The following NRG1 variants were observed in gnomAD, a reference collection of about 807,000 sequenced individuals.
The protein encoded by NRG1 is neuregulin 1, also known as pro-neuregulin-1, membrane-bound isoform.
A neutral mutation model predicts 63.8 loss-of-function variants in NRG1; 18 were observed. That is an observed-to-expected ratio of 0.28 (90% confidence interval 0.19 to 0.42). The LOEUF (loss-of-function observed/expected upper bound fraction) is 0.42, where lower values mean the gene tolerates loss of function less well. NRG1 is among the 10% of genes least tolerant of loss of function. The probability of loss-of-function intolerance (pLI) is 1.00; values close to 1 mark genes in which losing one functional copy is unlikely to be tolerated. For missense variants in NRG1, 762 were observed against 814.7 expected, an observed-to-expected ratio of 0.94 and a Z score of 0.79; for synonymous variants, 302 against 301.3, an observed-to-expected ratio of 1.00 and a Z score of -0.02.
At chr8:32,432,499 GGTTTTT>G (rs1245056523) in intron 1 of NRG1, among the ~76,000 whole-genome samples, 4 of 151,836 alleles carry the variant, frequency 2.6e-5, no homozygotes, top group East Asian at 1.9e-4. Context: ...TTATCACACC[GGTTTTT>G]GTTTTTGTTT....
intron 1 of NRG1, among the ~76,000 whole-genome samples, chr8:31,807,532 A>G (rs1211388994): frequency 6.6e-6 from 1 of 152,158 alleles, no homozygotes; most frequent in Admixed American, 6.5e-5. Flanking sequence ...AAGAAAAAAC[A>G]TTCAATGTTC....
chr8:32,054,863 C>CT (rs543522972), intron 1 of NRG1, among the ~76,000 whole-genome samples: 8 of 64,020 alleles, frequency 1.2e-4, no homozygotes, highest in South Asian at 7.5e-4. Flanking sequence ...TTCTTTCTTT[C>CT]TTTTTTTTTT....
chr8:31,781,141 T>C (rs1318815200), intron 1 of NRG1, among the ~76,000 whole-genome samples: 1 of 152,176 alleles, frequency 6.6e-6, no homozygotes, highest in East Asian at 1.9e-4. Context: ...GGAGGCTCAA[T>C]CAGCCCAGAC....
In NRG1 at chr8:32,619,103, T is replaced by A. The variant is rs892909149; in HGVS notation, c.502+2218T>A. ...GTGGCATGCACTTGTAGTCCCACCT[T>A]CTTGGGAGGCTGAGGTGGGAGGATC... On this transcript the variant is annotated intron_variant, in intron 5 of 11. Coordinates refer to ENST00000356819, the Ensembl canonical transcript of NRG1. 5.3e-5 allele frequency among the ~76,000 whole-genome samples: 8 copies of A among 152,006 alleles called. No individual in the cohort carries two copies. In the East Asian group the frequency reaches 1.5e-3, roughly 29 times the overall value.
At chr8:32,724,992 A>G (rs1357131544) in intron 5 of NRG1, among the ~76,000 whole-genome samples, 4 of 152,178 alleles carry the variant, frequency 2.6e-5, no homozygotes, top group Non-Finnish European at 5.9e-5. Context: ...GCCTTTTAAA[A>G]AGAGGGTTGT....
At chr8:31,661,565 C>A (rs1470835840) in intron 1 of NRG1, among the ~76,000 whole-genome samples, 1 of 152,274 alleles carries the variant, frequency 6.6e-6, no homozygotes, top group African/African-American at 2.4e-5. Context: ...TTGAAATGAA[C>A]CTGCAACACT....
chr8:31,724,644 C>T (rs1426119773), intron 1 of NRG1, among the ~76,000 whole-genome samples: 1 of 152,042 alleles, frequency 6.6e-6, no homozygotes, highest in Admixed American at 6.6e-5. Context: ...ATTAGCATTA[C>T]CAAATTTATC....
At chr8:32,537,485 C>A (rs1408387403) in intron 1 of NRG1, among the ~76,000 whole-genome samples, 1 of 152,140 alleles carries the variant, frequency 6.6e-6, no homozygotes, top group African/African-American at 2.4e-5. Context: ...ATTACCTTTT[C>A]ACTAATTACT....
In NRG1 at chr8:31,953,033, T is replaced by G. The variant is rs1163246556; in HGVS notation, c.37+313602T>G. On this transcript the variant is annotated intron_variant, in intron 1 of 10. Coordinates refer to the NRG1 transcript ENST00000519301. The stretch of plus-strand genomic sequence containing the variant: ...ACCTCTTAATATGCTTTCTTCTTAA[T>G]CAGGCAATAATTTGTAGGTTTGGGC... 2.0e-5 allele frequency among the ~76,000 whole-genome samples: 3 copies of G among 152,308 alleles called. No individual in the cohort carries two copies. In the East Asian group the frequency reaches 5.8e-4, roughly 29 times the overall value.
intron 1 of NRG1, among the ~76,000 whole-genome samples, chr8:32,040,257 T>C (rs1333002371): frequency 1.3e-5 from 2 of 152,192 alleles, no homozygotes; most frequent in Non-Finnish European, 2.9e-5. Context: ...TCCTAGTTGA[T>C]TACCTGAGCA....
At chr8:32,683,630 A>G (rs922125487) in intron 5 of NRG1, among the ~76,000 whole-genome samples, 1 of 152,056 alleles carries the variant, frequency 6.6e-6, no homozygotes, top group Admixed American at 6.6e-5. Flanking sequence ...AATTCATCCT[A>G]ATGTTTCTCC....
intron 1 of NRG1, among the ~76,000 whole-genome samples, chr8:31,950,234 TACAG>T (rs776159627): frequency 3.3e-5 from 5 of 152,178 alleles, no homozygotes; most frequent in Admixed American, 2.0e-4. Context: ...CAGTGGAAAA[TACAG>T]ACAAAGAATT....
At chr8:32,571,966 A>G (rs572623344) in intron 1 of NRG1, among the ~76,000 whole-genome samples, 1 of 152,266 alleles carries the variant, frequency 6.6e-6, no homozygotes, top group African/African-American at 2.4e-5. Context: ...TCCAAACCCC[A>G]TGTAATTTTT....
chr8:32,595,682 C>T (rs987565353), intron 1 of NRG1, 146 bp from the exon 2 acceptor site: 15 of 576,852 alleles, frequency 2.6e-5, no homozygotes, highest in Admixed American at 2.0e-4. Context: ...GATCCATTTT[C>T]GCTCATCCAT....
chr8:32,263,678 C>T (rs1253501234), intron 1 of NRG1, among the ~76,000 whole-genome samples: 1 of 152,260 alleles, frequency 6.6e-6, no homozygotes, highest in East Asian at 1.9e-4. Flanking sequence ...ATATTTTCCC[C>T]ATACACCCAC....
At chr8:32,194,207 C>T (rs1842758028) in intron 1 of NRG1, among the ~76,000 whole-genome samples, 1 of 152,156 alleles carries the variant, frequency 6.6e-6, no homozygotes, top group Admixed American at 6.5e-5. Flanking sequence ...AGAAAGTCCC[C>T]ATCAGCTCCT....
chr8:32,630,008 T>C (rs1019749371), intron 5 of NRG1, among the ~76,000 whole-genome samples: 11 of 152,224 alleles, frequency 7.2e-5, no homozygotes, highest in African/African-American at 2.4e-4. Context: ...ATTATGTAGA[T>C]GTAGAGACTG....
chr8:32,688,364 G>T (rs1158899614), intron 5 of NRG1, among the ~76,000 whole-genome samples: 1 of 152,090 alleles, frequency 6.6e-6, no homozygotes, highest in Non-Finnish European at 1.5e-5. Flanking sequence ...ATCTTTCAAA[G>T]CATGGAGCAG....
At chr8:32,299,425 A>G (rs997397799) in intron 1 of NRG1, among the ~76,000 whole-genome samples, 1 of 152,190 alleles carries the variant, frequency 6.6e-6, no homozygotes, top group Non-Finnish European at 1.5e-5. Context: ...TTGTAAAGAC[A>G]CACATTCTAG....
Sources: gnomAD v4.1 joint callset for allele counts (sites outside exome capture counted in the v4.1 genomes callset) on GRCh38, gnomAD v4.1.1 for gene constraint, MANE v1.5 for transcripts, NCBI Gene and HGNC (gene_info 2026-07-23, HGNC 2026-07-21) for gene names.